SPEF2: variants seen among roughly 807,000 people sequenced by gnomAD.
The protein encoded by SPEF2 is sperm flagellar and cilia associated 2.
A neutral mutation model predicts 224.6 loss-of-function variants in SPEF2; 187 were observed. The observed-to-expected ratio is 0.83, with a 90% CI of 0.74 to 0.94. The LOEUF is 0.94. Ranked by LOEUF, SPEF2 falls within the 40% of genes least tolerant of loss-of-function variation. The probability of loss-of-function intolerance (pLI) is 0.00; values close to 1 mark genes in which losing one functional copy is unlikely to be tolerated. For missense variants in SPEF2, 2,170 were observed against 2,135.6 expected (o/e 1.02, Z -0.32); for synonymous variants, 715 against 707.3 (o/e 1.01, Z -0.17).
intron 20 of SPEF2, among the ~76,000 whole-genome samples, chr5:35,727,231 A>C (rs1429888090): frequency 6.6e-6 from 1 of 152,016 alleles, no homozygotes; most frequent in Non-Finnish European, 1.5e-5. Flanking sequence ...CTCTTATAAC[A>C]TCCTCCTTTC....
At chr5:35,636,567 G>A (rs1257829200) in intron 2 of SPEF2, among the ~76,000 whole-genome samples, 2 of 152,050 alleles carry the variant, frequency 1.3e-5, no homozygotes, top group African/African-American at 2.4e-5. Context: ...TGCTATGATT[G>A]TTTTTTCCTA....
chr5:35,753,575 T>C (rs1158099999), intron 23 of SPEF2, 49 bp from the exon 24 acceptor site: 2 of 1,609,872 alleles, frequency 1.2e-6, no homozygotes, highest in Non-Finnish European at 1.7e-6. Flanking sequence ...CCTAGGTGAT[T>C]TGAGCAGCAA....
chr5:35,713,537 C>A (rs1357040971), intron 20 of SPEF2, among the ~76,000 whole-genome samples: 1 of 151,268 alleles, frequency 6.6e-6, no homozygotes, highest in Non-Finnish European at 1.5e-5. Flanking sequence ...CGATCAAGAC[C>A]ATCCTGGCCA....
rs767522584 is a variant in SPEF2, at chr5:35,727,857, A to G, written c.3063+34A>G. 3.8e-6 allele frequency: 6 copies of G among 1,599,880 alleles called. No homozygotes were observed. In the South Asian group the frequency reaches 5.7e-5, roughly 15 times the overall value. On this transcript the variant is annotated intron_variant, in intron 21 of 36. Coordinates refer to ENST00000356031, the MANE Select transcript of SPEF2 (RefSeq NM_024867.4). ...ATTTAGAATCAAGCTGGCAGAATTCATTCTTTCTCCTGCATATAGTAAGAT... is the reference window on the plus strand; with the variant it reads ...ATTTAGAATCAAGCTGGCAGAATTCGTTCTTTCTCCTGCATATAGTAAGAT...
At position 35,807,022 on chromosome 5, in the gene SPEF2, TATATC is replaced by T. The variant is rs1333818257; in HGVS notation, c.5256+74_5256+78del. 18 of 1,558,738 alleles carry T rather than the reference TATATC, an allele frequency of 1.2e-5. No individual in the cohort carries two copies. The East Asian group carries it at 1.3e-4, about 12-fold the overall frequency. ...TATTTTTATGGAATTGCTCTCAAAA[TATATC>T]ATAGTATGAAATTATACAGAATCTC... On this transcript the variant is annotated intron_variant, in intron 35 of 36. Transcript: ENST00000356031.
intron 34 of SPEF2, among the ~76,000 whole-genome samples, chr5:35,804,870 C>A (rs1757870698): frequency 6.6e-6 from 1 of 152,136 alleles, no homozygotes; most frequent in Non-Finnish European, 1.5e-5. Context: ...GTTTGCTTGC[C>A]TACAGGTTCT....
intron 34 of SPEF2, among the ~76,000 whole-genome samples, chr5:35,801,118 G>C (rs900891260): frequency 1.3e-5 from 2 of 152,222 alleles, no homozygotes; most frequent in Non-Finnish European, 2.9e-5. Context: ...CCAGTGTGCT[G>C]TAAAAAGTGG....
At chr5:35,724,845 A>C (rs908064917) in intron 20 of SPEF2, among the ~76,000 whole-genome samples, 5 of 152,234 alleles carry the variant, frequency 3.3e-5, no homozygotes, top group Admixed American at 6.5e-5. Flanking sequence ...TACTAAAGAC[A>C]GAGGGCAGAA....
intron 21 of SPEF2, among the ~76,000 whole-genome samples, chr5:35,731,585 G>A (rs1380923290): frequency 1.3e-5 from 2 of 152,160 alleles, no homozygotes; most frequent in Admixed American, 6.5e-5. Context: ...ATGTGACAGA[G>A]AGGAAGTCAA....
At chr5:35,738,414 T>A (rs1422184876) in intron 21 of SPEF2, among the ~76,000 whole-genome samples, 2 of 151,582 alleles carry the variant, frequency 1.3e-5, no homozygotes, top group Non-Finnish European at 2.9e-5. Context: ...AGGGATCCAG[T>A]TTCAGCTTTC....
chr5:35,669,992 AT>A, intron 9 of SPEF2, 66 bp from the exon 10 acceptor site: 1 of 1,248,384 alleles, frequency 8.0e-7, no homozygotes, highest in Non-Finnish European at 1.1e-6. Context: ...TATAATAAAA[AT>A]ACCAATGTTT....
intron 20 of SPEF2, among the ~76,000 whole-genome samples, chr5:35,721,727 C>A (rs911765594): frequency 2.2e-5 from 2 of 90,910 alleles, no homozygotes; most frequent in African/African-American, 6.4e-5. Flanking sequence ...ACAGACATCA[C>A]ACACAGTACA....
intron 17 of SPEF2, 135 bp downstream of exon 17, chr5:35,704,797 T>C: frequency 1.6e-6 from 1 of 624,044 alleles, no homozygotes; most frequent in South Asian, 1.9e-5. Flanking sequence ...GAAGACTAAG[T>C]AGTTTTGACA....
intron 34 of SPEF2, 53 bp downstream of exon 34, chr5:35,800,200 A>G (rs1183425054): frequency 6.3e-7 from 1 of 1,578,052 alleles, no homozygotes; most frequent in East Asian, 2.2e-5. Flanking sequence ...GGATGCCTGA[A>G]GATCCTAAAC....
chr5:35,673,811 C>CT (rs1383002196), intron 10 of SPEF2, among the ~76,000 whole-genome samples: 7 of 152,172 alleles, frequency 4.6e-5, no homozygotes, highest in Non-Finnish European at 4.4e-5. Context: ...GTCAACCAGA[C>CT]TTTAAGATGT....
chr5:35,736,472 TG>T (rs1746611656), intron 21 of SPEF2, among the ~76,000 whole-genome samples: 2 of 83,184 alleles, frequency 2.4e-5, no homozygotes, highest in South Asian at 9.4e-4. Context: ...TGACAGAGTG[TG>T]TGTGTGTGTG....
intron 21 of SPEF2, among the ~76,000 whole-genome samples, chr5:35,738,646 T>G (rs1020718400): frequency 2.6e-5 from 4 of 151,074 alleles, no homozygotes; most frequent in Admixed American, 6.6e-5. Flanking sequence ...TTGACATCCA[T>G]CTAGGGGAAA....
intron 23 of SPEF2, among the ~76,000 whole-genome samples, chr5:35,753,323 T>A (rs1311794975): frequency 1.3e-5 from 2 of 151,700 alleles, no homozygotes; most frequent in African/African-American, 2.4e-5. Flanking sequence ...CCAAACACAT[T>A]TTTTTTTAGG....
chr5:35,809,565 TG>T (rs1194640503), intron 36 of SPEF2, among the ~76,000 whole-genome samples: 1 of 151,920 alleles, frequency 6.6e-6, no homozygotes, highest in Non-Finnish European at 1.5e-5. Flanking sequence ...GGGGAAGGCA[TG>T]GAAGAAGGAC....
Sources: allele counts gnomAD v4.1 joint callset (sites outside exome capture counted in the v4.1 genomes callset), GRCh38; gene constraint gnomAD v4.1.1; transcripts MANE v1.5; gene names NCBI Gene and HGNC (gene_info 2026-07-23, HGNC 2026-07-21).